HECW1: variants seen among roughly 807,000 people sequenced by gnomAD.
HECW1 encodes the protein E3 ubiquitin-protein ligase HECW1.
A neutral mutation model predicts 182.3 loss-of-function variants in HECW1; 61 were observed. That is an observed-to-expected ratio of 0.33 (90% CI 0.27 to 0.41). HECW1 has a LOEUF of 0.41. Among genes scored for constraint, HECW1 ranks in the 10% least tolerant of loss-of-function variants. The pLI, the probability that HECW1 is intolerant of heterozygous loss-of-function variation, is 1.00. For missense variants in HECW1, 1,739 were observed against 2,108.9 expected (o/e 0.82, Z 3.44); for synonymous variants, 859 against 832.6 (o/e 1.03, Z -0.55).
intron 19 of HECW1, among the ~76,000 whole-genome samples, chr7:43,500,333 C>T (rs113043572): frequency 0.15 from 23,361 of 152,042 alleles, 2,309 homozygotes; most frequent in Non-Finnish European, 0.21. Context: ...CTCCTGATCT[C>T]GTGATCTGCC....
chr7:43,389,743 G>A (rs1329792167), intron 6 of HECW1, among the ~76,000 whole-genome samples: 4 of 151,978 alleles, frequency 2.6e-5, no homozygotes, highest in East Asian at 1.9e-4. Flanking sequence ...TGGGCTCAAG[G>A]GATCCTCCTA....
chr7:43,341,137 T>C (rs1045642599), intron 5 of HECW1, among the ~76,000 whole-genome samples: 3 of 151,476 alleles, frequency 2.0e-5, no homozygotes, highest in Non-Finnish European at 4.4e-5. Flanking sequence ...GGGCAGGGAA[T>C]ATCACACCCC....
In HECW1 at chr7:43,276,235, G is replaced by T. The variant is rs557600863; in HGVS notation, c.27+32303G>T. Among the ~76,000 whole-genome samples, 4 of 152,222 alleles carry T rather than the reference G, an allele frequency of 2.6e-5. No individual in the cohort carries two copies. The East Asian group carries it at 7.7e-4, about 29-fold the overall frequency. ...ATCTAGCAGACTGACTCCTAGCATA[G>T]CCTGTTCTTTAGAGTTACTAAAAGG... On this transcript the variant is annotated intron_variant, in intron 3 of 29. Coordinates refer to ENST00000395891, the MANE Select transcript of HECW1 (RefSeq NM_015052.5).
At chr7:43,257,043 T>C (rs1457112065) in intron 3 of HECW1, among the ~76,000 whole-genome samples, 1 of 152,168 alleles carries the variant, frequency 6.6e-6, no homozygotes, top group Non-Finnish European at 1.5e-5. Context: ...ATGATTGTTA[T>C]TAGATACTCA....
chr7:43,318,230 A>G (rs1809587510), intron 4 of HECW1, among the ~76,000 whole-genome samples: 1 of 152,208 alleles, frequency 6.6e-6, no homozygotes. Context: ...CCCTTGGAGA[A>G]CTGCTATAAT....
rs773608269 is a variant in HECW1, at chr7:43,248,706, TCC to T, written c.27+4775_27+4776del. On this transcript the variant is annotated intron_variant, in intron 3 of 29. Transcript: ENST00000395891. The stretch of plus-strand genomic sequence containing the variant: ...CTCCTCCTCCTCCTTTTCCTCCTCC[TCC>T]TCCTCCTCCTCCTCCTCCTTTTCCT... 7.7e-3 allele frequency: 953 copies of T among 123,796 alleles called. 8 individuals carry two copies. The highest frequency in any genetic ancestry group is 0.013 in the Non-Finnish European group (767 of 60,242). The allele number at this position is 123,796 out of a possible 1,614,324, so 7.7% of individuals were successfully genotyped here. A position where few individuals can be genotyped will look rare whatever the true frequency, so the allele number is the denominator to read the frequency against.
At chr7:43,561,398 T>C in intron 29 of HECW1, among the ~76,000 whole-genome samples, 2 of 152,198 alleles carry the variant, frequency 1.3e-5, no homozygotes, top group East Asian at 3.8e-4. Flanking sequence ...TTCCTCTAAA[T>C]AGATGCATGT....
At chr7:43,157,033 T>C (rs1276700131) in intron 2 of HECW1, among the ~76,000 whole-genome samples, 3 of 152,216 alleles carry the variant, frequency 2.0e-5, no homozygotes, top group South Asian at 2.1e-4. Context: ...GACTGACACA[T>C]GTTCATTCGC....
chr7:43,449,161 G>T (rs1490455460), intron 11 of HECW1, among the ~76,000 whole-genome samples: 1 of 152,214 alleles, frequency 6.6e-6, no homozygotes, highest in African/African-American at 2.4e-5. Flanking sequence ...AGTTAAAAAT[G>T]CAGCAGCTGA....
chr7:43,424,357 C>T (rs190293049), intron 8 of HECW1, among the ~76,000 whole-genome samples: 10 of 152,326 alleles, frequency 6.6e-5, no homozygotes, highest in Admixed American at 5.9e-4. Context: ...CAGTGGCTCA[C>T]GCCTCTAATC....
intron 12 of HECW1, 21 bp from the exon 13 acceptor site, chr7:43,456,276 T>C: frequency 3.9e-6 from 6 of 1,541,546 alleles, no homozygotes; most frequent in Non-Finnish European, 5.3e-6. Context: ...TTTTTCTTTT[T>C]GCCTTTTTAT....
At chr7:43,425,473 G>A (rs548387291) in intron 8 of HECW1, among the ~76,000 whole-genome samples, 5 of 152,204 alleles carry the variant, frequency 3.3e-5, no homozygotes, top group Admixed American at 3.3e-4. Context: ...TACCTCTCTT[G>A]TTTCTTGCCC....
chr7:43,194,561 G>C (rs17642265), intron 2 of HECW1: 15,674 of 152,236 alleles, frequency 0.1, 901 homozygotes, highest in East Asian at 0.15. Flanking sequence ...AAACCTTGCT[G>C]AAATCAGAGA....
intron 2 of HECW1, among the ~76,000 whole-genome samples, chr7:43,192,284 G>C (rs1020501122): frequency 1.3e-5 from 2 of 152,006 alleles, no homozygotes; most frequent in Admixed American, 6.6e-5. Flanking sequence ...AGATCAGTAG[G>C]GTGACTCATT....
At chr7:43,524,123 A>G (rs1450913212) in intron 24 of HECW1, among the ~76,000 whole-genome samples, 2 of 152,192 alleles carry the variant, frequency 1.3e-5, no homozygotes, top group Non-Finnish European at 2.9e-5. Context: ...ATCTCCAGGT[A>G]CCTAGATCTT....
rs1466861875 is a variant in HECW1 at position 43,466,493 on chromosome 7, C to T, written c.2838C>T (p.Ile946=). 1.2e-6 allele frequency: 2 copies of T among 1,613,888 alleles called. No homozygotes were observed. The highest frequency in any genetic ancestry group is 1.7e-5 in the Admixed American group (1 of 60,024). Residue 946 remains isoleucine, a synonymous_variant, in exon 15 of 30, where the codon ATC becomes ATT. Coordinates refer to ENST00000395891, the MANE Select transcript of HECW1 (RefSeq NM_015052.5). The stretch of plus-strand genomic sequence containing the variant: ...TTTCTCCAGTGAACTCACAAAAAAT[C>T]ACCTTGCTGCTGCAGTCCCCAGCGG... ...GSLSPVNSQK[I]TLLLQSPAVK...
chr7:43,455,101 C>A (rs1453256614), intron 12 of HECW1, among the ~76,000 whole-genome samples: 1 of 152,154 alleles, frequency 6.6e-6, no homozygotes, highest in Non-Finnish European at 1.5e-5. Context: ...TGTAGTGAAT[C>A]ATCCATGCTT....
intron 24 of HECW1, among the ~76,000 whole-genome samples, chr7:43,536,434 GGGACCCACCACCCGCTGCT>G (rs1316149544): frequency 1.3e-5 from 2 of 152,184 alleles, no homozygotes; most frequent in Non-Finnish European, 2.9e-5. Context: ...GGAAAAGGCT[GGGACCCACCACCCGCTGCT>G]GGGAGGTTAC....
chr7:43,454,762 C>T (rs1414482435), intron 12 of HECW1, among the ~76,000 whole-genome samples: 1 of 152,156 alleles, frequency 6.6e-6, no homozygotes, highest in East Asian at 1.9e-4. Flanking sequence ...ATGAGAGTTG[C>T]TATGTCATTA....
Sources: allele counts gnomAD v4.1 joint callset (sites outside exome capture counted in the v4.1 genomes callset), GRCh38; gene constraint gnomAD v4.1.1; transcripts MANE v1.5; gene names NCBI Gene and HGNC (gene_info 2026-07-23, HGNC 2026-07-21).